Variants in EEA1 observed in about 807,000 individuals in gnomAD.
EEA1 encodes early endosome antigen 1.
In EEA1, 111 loss-of-function variants were observed where a neutral mutation model predicts 209.2. The observed-to-expected ratio is 0.53, with a 90% CI of 0.45 to 0.62. The LOEUF is 0.62. Ranked by LOEUF, EEA1 falls within the 20% of genes least tolerant of loss-of-function variation. EEA1 has a pLI of 0.00. For synonymous variants in EEA1, 536 were observed against 540.6 expected, an observed-to-expected ratio of 0.99 and a Z score of 0.12; for missense variants, 1,343 against 1,530.8, an observed-to-expected ratio of 0.88 and a Z score of 2.05.
At position 92,772,842 on chromosome 12, in the gene EEA1, T is replaced by C. The variant is rs1048698347; in HGVS notation, c.*3169A>G. On this transcript the variant is annotated 3_prime_UTR_variant, in exon 29 of 29. Coordinates refer to ENST00000322349, the MANE Select transcript of EEA1 (RefSeq NM_003566.4). The stretch of plus-strand genomic sequence containing the variant: ...ATCCAGTTCAAGGAATTACAGAATG[T>C]CATATACACAACTGCATTGTGTTAC... 1.3e-5 allele frequency: 2 copies of C among 152,304 alleles called. No individual in the cohort carries two copies. Among genetic ancestry groups the C allele is most frequent in the Non-Finnish European group, 3.0e-5 (2 of 67,786 alleles). 9.4% of individuals were successfully genotyped at this position (152,304 alleles called of 1,614,324 possible). A position where few individuals can be genotyped will look rare whatever the true frequency, so the allele number is the denominator to read the frequency against.
chr12:92,811,209 A>G, intron 17 of EEA1, 70 bp downstream of exon 17: 2 of 1,076,610 alleles, frequency 1.9e-6, no homozygotes, highest in Non-Finnish European at 1.2e-6. Context: ...CTTTGATTCC[A>G]TGTAGGTCAT....
chr12:92,789,252 T>C (rs554851592), intron 21 of EEA1, among the ~76,000 whole-genome samples: 1 of 141,086 alleles, frequency 7.1e-6, no homozygotes, highest in South Asian at 2.2e-4. Context: ...ATCGCACCAC[T>C]GCACTCCATC....
At chr12:92,923,845 CAA>C (rs200069645) in intron 1 of EEA1, among the ~76,000 whole-genome samples, 347 of 75,208 alleles carry the variant, frequency 4.6e-3, no homozygotes, top group African/African-American at 0.016. Flanking sequence ...ACCTCATCTA[CAA>C]AAAAAAAAAA....
At chr12:92,851,422 T>C (rs1184366507) in intron 8 of EEA1, among the ~76,000 whole-genome samples, 156 bp from the exon 9 acceptor site, 1 of 152,210 alleles carries the variant, frequency 6.6e-6, no homozygotes, top group East Asian at 1.9e-4. Context: ...TCTCCCACAA[T>C]AAGCCACTTC....
At chr12:92,853,998 A>ATAT (rs759422258) in intron 5 of EEA1, 44 bp from the exon 6 acceptor site, 1 of 1,211,904 alleles carries the variant, frequency 8.3e-7, no homozygotes, top group South Asian at 1.7e-5. Context: ...TAAAAGGAAA[A>ATAT]GATAATACTG....
chr12:92,830,970 G>A (rs891854148), intron 11 of EEA1, among the ~76,000 whole-genome samples: 1 of 152,176 alleles, frequency 6.6e-6, no homozygotes, highest in African/African-American at 2.4e-5. Flanking sequence ...AGCAGGGAAG[G>A]AGAAGACATG....
intron 1 of EEA1, among the ~76,000 whole-genome samples, chr12:92,903,404 C>A (rs1032402202): frequency 1.3e-5 from 2 of 151,498 alleles, no homozygotes; most frequent in Admixed American, 1.3e-4. Context: ...TTGAGACCAG[C>A]CTGACCAACA....
chr12:92,842,933 T>C (rs1421350279), intron 9 of EEA1, among the ~76,000 whole-genome samples: 1 of 152,204 alleles, frequency 6.6e-6, no homozygotes, highest in African/African-American at 2.4e-5. Context: ...TATATCTACA[T>C]TTCCTCCCAA....
chr12:92,884,836 A>G, intron 2 of EEA1: 1 of 654,164 alleles, frequency 1.5e-6, no homozygotes, highest in South Asian at 1.5e-5. Context: ...CCTGTTTTAG[A>G]CAAATACTCA....
At chr12:92,827,474 G>C (rs1876370809) in intron 12 of EEA1, among the ~76,000 whole-genome samples, 1 of 152,212 alleles carries the variant, frequency 6.6e-6, no homozygotes, top group African/African-American at 2.4e-5. Context: ...TATGGCAACT[G>C]CAAGTCTAAT....
intron 1 of EEA1, among the ~76,000 whole-genome samples, chr12:92,925,923 A>G (rs1386643102): frequency 6.6e-6 from 1 of 152,214 alleles, no homozygotes; most frequent in Non-Finnish European, 1.5e-5. Flanking sequence ...AAAGGAAACT[A>G]TTCAGAAGAA....
chr12:92,808,009 T>C (rs1875296441), intron 18 of EEA1, among the ~76,000 whole-genome samples: 1 of 152,190 alleles, frequency 6.6e-6, no homozygotes, highest in Non-Finnish European at 1.5e-5. Flanking sequence ...TCTAATATCA[T>C]AAAGCTACAT....
chr12:92,782,372 T>C (rs979850013), intron 22 of EEA1, among the ~76,000 whole-genome samples: 4 of 152,130 alleles, frequency 2.6e-5, no homozygotes, highest in African/African-American at 9.7e-5. Context: ...CCTCCAAAAA[T>C]AATCTATTTA....
Position 92,795,347 on chromosome 12 carries a change from T to C in EEA1, c.2967+3545A>G, listed in dbSNP as rs533055236. On this transcript the variant is annotated intron_variant, in intron 21 of 28. Transcript: ENST00000322349. ...AGTAGAATTATGTCCCATCACTATC[T>C]TTCATACCTCTCTGTTTAGTTTCTC... 6.4e-4 allele frequency among the ~76,000 whole-genome samples: 97 copies of C among 152,324 alleles called. 1 individual carries two copies. In the Middle Eastern group the frequency reaches 0.017, roughly 27 times the overall value.
chr12:92,929,036 C>T lies in EEA1; in HGVS notation c.24+7G>A, dbSNP rs1453331419. 5 of 1,596,200 alleles carry T rather than the reference C, an allele frequency of 3.1e-6. No individual in the cohort carries two copies. Among genetic ancestry groups the T allele is most frequent in the East Asian group, 2.3e-5 (1 of 42,932 alleles). On this transcript the variant is annotated splice_region_variant and intron_variant, in intron 1 of 28. Coordinates refer to ENST00000322349, the MANE Select transcript of EEA1 (RefSeq NM_003566.4). ...GTGCTGCCAGAAAGACGGTTTCACT[C>T]TCTTACCCTCTGTAAAATCCTCCTT...
At chr12:92,833,461 C>A (rs561229905) in intron 10 of EEA1, among the ~76,000 whole-genome samples, 2 of 152,124 alleles carry the variant, frequency 1.3e-5, no homozygotes, top group African/African-American at 4.8e-5. Flanking sequence ...GTATAAAACA[C>A]AAAAATAACA....
intron 11 of EEA1, among the ~76,000 whole-genome samples, chr12:92,830,905 G>A (rs909224223): frequency 2.0e-5 from 3 of 152,216 alleles, no homozygotes; most frequent in African/African-American, 7.2e-5. Flanking sequence ...AGGCAGATCA[G>A]TTAACGGTTG....
rs147480884 is a variant in EEA1 at position 92,789,677 on chromosome 12, A to C, written c.2968-1628T>G. Among the ~76,000 whole-genome samples the C allele has an allele frequency of 1.6e-4, 24 of 152,242 alleles. No individual in the cohort carries two copies. In the East Asian group the frequency reaches 4.6e-3, roughly 29 times the overall value. Reference sequence around the variant, plus strand: ...ACAAGCCCTACTGCCTCTAGACTCCACCTCTGGGGGCAGGGCATAGCTAAG... The same window carrying C: ...ACAAGCCCTACTGCCTCTAGACTCCCCCTCTGGGGGCAGGGCATAGCTAAG... On this transcript the variant is annotated intron_variant, in intron 21 of 28. Coordinates refer to ENST00000322349, the MANE Select transcript of EEA1 (RefSeq NM_003566.4).
chr12:92,900,003 C>T (rs866803630), intron 1 of EEA1, among the ~76,000 whole-genome samples: 1 of 152,060 alleles, frequency 6.6e-6, no homozygotes, highest in Admixed American at 6.6e-5. Flanking sequence ...TGGTGATGAA[C>T]GTTCAAGTCT....
Sources: gnomAD v4.1 joint callset for allele counts (sites outside exome capture counted in the v4.1 genomes callset) on GRCh38, gnomAD v4.1.1 for gene constraint, MANE v1.5 for transcripts, NCBI Gene and HGNC (gene_info 2026-07-23, HGNC 2026-07-21) for gene names.